NPAT: variants seen among roughly 807,000 people sequenced by gnomAD.
NPAT encodes the protein nuclear protein, coactivator of histone transcription, also known as protein NPAT.
In NPAT, 52 loss-of-function variants were observed where a neutral mutation model predicts 130.7. The observed-to-expected ratio is 0.40, with a 90% CI of 0.32 to 0.50. NPAT has a LOEUF of 0.50. Ranked by LOEUF, NPAT falls within the 20% of genes least tolerant of loss-of-function variation. The pLI is 0.68. For synonymous variants in NPAT, 580 were observed against 584.8 expected, an observed-to-expected ratio of 0.99 and a Z score of 0.12; for missense variants, 1,687 against 1,662.6, an observed-to-expected ratio of 1.01 and a Z score of -0.26.
intron 1 of NPAT, among the ~76,000 whole-genome samples, chr11:108,219,647 AT>A (rs2078465442): frequency 6.6e-6 from 1 of 152,224 alleles, no homozygotes; most frequent in Non-Finnish European, 1.5e-5. Flanking sequence ...AATTGGGAAG[AT>A]GAAAAAGTTC....
intron 7 of NPAT, among the ~76,000 whole-genome samples, chr11:108,187,354 A>G (rs2078117287): frequency 6.6e-6 from 1 of 152,148 alleles, no homozygotes; most frequent in South Asian, 2.1e-4. Flanking sequence ...GGGGAGGCTA[A>G]GGTGGGAGGA....
At chr11:108,216,253 T>C (rs181548565) in intron 1 of NPAT, among the ~76,000 whole-genome samples, 3 of 152,184 alleles carry the variant, frequency 2.0e-5, no homozygotes, top group African/African-American at 7.2e-5. Context: ...GGACTTCTGA[T>C]AGACGGTGGT....
At chr11:108,191,867 T>C (rs1218698134) in intron 4 of NPAT, among the ~76,000 whole-genome samples, 2 of 152,230 alleles carry the variant, frequency 1.3e-5, no homozygotes, top group South Asian at 2.1e-4. Context: ...TATATCTGCC[T>C]TTAAATTGCT....
At chr11:108,191,044 G>C (rs1479465621) in intron 4 of NPAT, among the ~76,000 whole-genome samples, 1 of 152,100 alleles carries the variant, frequency 6.6e-6, no homozygotes, top group East Asian at 1.9e-4. Flanking sequence ...TTCCAGCTTG[G>C]GTAACAGAGT....
intron 1 of NPAT, among the ~76,000 whole-genome samples, chr11:108,220,117 T>C (rs2078469719): frequency 6.6e-6 from 1 of 152,212 alleles, no homozygotes; most frequent in African/African-American, 2.4e-5. Flanking sequence ...ACAGAGCACC[T>C]TGAATAAATA....
rs1248310229 is a variant in NPAT, at chr11:108,194,778, G to A, written c.157-761C>T. 2.6e-5 allele frequency among the ~76,000 whole-genome samples: 4 copies of A among 151,932 alleles called. No homozygotes were observed. The East Asian group carries it at 5.8e-4, about 22-fold the overall frequency. On this transcript the variant is annotated intron_variant, in intron 2 of 17. Coordinates refer to ENST00000278612, the MANE Select transcript of NPAT (RefSeq NM_002519.3). Reference sequence around the variant, plus strand: ...CATGTTCCTACCTCAGCCTCCCACAGTGCTGGGATTAAAGGTGTGAGCCAT... The same window carrying A: ...CATGTTCCTACCTCAGCCTCCCACAATGCTGGGATTAAAGGTGTGAGCCAT...
chr11:108,198,729 TCAGACTCAACCACACATGGGGACTA>T (rs2078247368), intron 1 of NPAT, among the ~76,000 whole-genome samples: 1 of 152,148 alleles, frequency 6.6e-6, no homozygotes, highest in African/African-American at 2.4e-5. Flanking sequence ...CATGAAAACC[TCAGACTCAACCACACATGGGGACTA>T]CCTGCCTTTG....
chr11:108,169,074 A>C (rs1056788325), intron 15 of NPAT, among the ~76,000 whole-genome samples: 2 of 152,216 alleles, frequency 1.3e-5, no homozygotes, highest in Non-Finnish European at 2.9e-5. Context: ...CAGAGACTAA[A>C]AGAAGGGAGA....
chr11:108,192,259 G>A, intron 3 of NPAT, 69 bp from the exon 4 acceptor site: 2 of 992,374 alleles, frequency 2.0e-6, no homozygotes, highest in Non-Finnish European at 3.3e-6. Context: ...TCTGAACAAA[G>A]ACACACAAAA....
In NPAT at chr11:108,173,429, C is replaced by T. The variant is rs753660173; in HGVS notation, c.1555G>A (p.Ala519Thr). The part of the protein sequence containing the change: ...ITSFVSLGCE[A>T]NNENLILSGK... Reference sequence around the variant, plus strand: ...GAGAGAATTAAGTTTTCATTGTTAGCTTCACAACCAAGTGAAACAAATGAA... The same window carrying T: ...GAGAGAATTAAGTTTTCATTGTTAGTTTCACAACCAAGTGAAACAAATGAA... Residue 519 changes from alanine (A) to threonine (T), a missense_variant, in exon 13 of 18, where the codon GCT becomes ACT. This residue lies in a region of NPAT where 1,379 missense variants were observed against 1,346.6 expected (regional missense o/e 1.02). Coordinates refer to ENST00000278612, the MANE Select transcript of NPAT (RefSeq NM_002519.3). 2 of 1,614,132 alleles carry T rather than the reference C, an allele frequency of 1.2e-6. No homozygotes were observed. The highest frequency in any genetic ancestry group is 1.7e-6 in the Non-Finnish European group (2 of 1,180,012).
chr11:108,165,454 A>ATG (rs1218354663), intron 15 of NPAT, among the ~76,000 whole-genome samples: 2 of 101,964 alleles, frequency 2.0e-5, no homozygotes, highest in Non-Finnish European at 4.1e-5. Flanking sequence ...ATATGTATTT[A>ATG]TATATATATA....
At position 108,161,235 on chromosome 11, in the gene NPAT, A is replaced by G; in HGVS notation, c.3851T>C (p.Ile1284Thr). Residue 1284 changes from isoleucine to threonine, a missense_variant, in exon 17 of 18, where the codon ATA (isoleucine) becomes ACA (threonine). Ile to Thr is a moderately conservative substitution (Grantham distance 89, BLOSUM62 -1). This residue lies in a region of NPAT where 1,379 missense variants were observed against 1,346.6 expected (regional missense o/e 1.02). Coordinates refer to ENST00000278612, the MANE Select transcript of NPAT (RefSeq NM_002519.3). ...GAGEKHKEEP[I>T]DIIKAPSSRR... ...ACTAGAGGGGGCCTTGATAATATCT[A>G]TAGGTTCTTCTTTATGTTTTTCCCC... 3 of 1,614,118 alleles carry G rather than the reference A, an allele frequency of 1.9e-6. No homozygotes were observed. The highest frequency in any genetic ancestry group is 2.5e-6 in the Non-Finnish European group (3 of 1,180,018).
intron 2 of NPAT, among the ~76,000 whole-genome samples, chr11:108,194,708 T>A (rs2078203592): frequency 6.6e-6 from 1 of 152,244 alleles, no homozygotes; most frequent in Non-Finnish European, 1.5e-5. Flanking sequence ...TGGAGTACAG[T>A]GGCTGCTCAC....
At chr11:108,187,130 G>T (rs537191142) in intron 7 of NPAT, among the ~76,000 whole-genome samples, 1 of 152,066 alleles carries the variant, frequency 6.6e-6, no homozygotes, top group Admixed American at 6.6e-5. Context: ...AAAAAGTCAG[G>T]GTTCCTATAA....
intron 1 of NPAT, among the ~76,000 whole-genome samples, chr11:108,205,063 A>C (rs2078312721): frequency 6.6e-6 from 1 of 152,230 alleles, no homozygotes. Context: ...GACCATAATC[A>C]AACTGAAAAT....
chr11:108,221,026 A>G (rs2078484485), intron 1 of NPAT, among the ~76,000 whole-genome samples: 1 of 152,236 alleles, frequency 6.6e-6, no homozygotes, highest in African/African-American at 2.4e-5. Flanking sequence ...AAGTCAGCAG[A>G]GTAGCTGGTT....
chr11:108,160,996 T>C lies in NPAT; in HGVS notation c.4090A>G (p.Arg1364Gly), dbSNP rs1185631560. 3.1e-6 allele frequency: 5 copies of C among 1,614,214 alleles called. No homozygotes were observed. Among genetic ancestry groups the C allele is most frequent in the East Asian group, 4.5e-5 (2 of 44,890 alleles). ...DNTQQFRASS[R>G]STTKKRKIEE... ...ATTTTCCGCTTTTTTGTGGTGCTCCTTGAAGATGCTCTAAACTGTTGTGTG... is the reference window on the plus strand; with the variant it reads ...ATTTTCCGCTTTTTTGTGGTGCTCCCTGAAGATGCTCTAAACTGTTGTGTG... The change falls in exon 17 of 18, where the codon AGG becomes GGG. Residue 1364 changes from arginine (R) to glycine (G), a missense_variant. Physicochemically the swap from Arg to Gly is moderately radical, Grantham distance 125. Coordinates refer to ENST00000278612, the MANE Select transcript of NPAT (RefSeq NM_002519.3).
chr11:108,211,709 G>A (rs189496436), intron 1 of NPAT, among the ~76,000 whole-genome samples: 10 of 152,236 alleles, frequency 6.6e-5, no homozygotes, highest in South Asian at 4.1e-4. Context: ...CGTAAAAGAC[G>A]AAAGTCACAT....
intron 1 of NPAT, among the ~76,000 whole-genome samples, chr11:108,219,834 A>T (rs1416567946): frequency 6.6e-6 from 1 of 152,262 alleles, no homozygotes. Flanking sequence ...TATCAAAAAA[A>T]AGTAAACACA....
Sources: gnomAD v4.1 joint callset for allele counts (sites outside exome capture counted in the v4.1 genomes callset) on GRCh38, gnomAD v4.1.1 for gene constraint, gnomAD v4.1.1 regional missense constraint, MANE v1.5 for transcripts, NCBI Gene and HGNC (gene_info 2026-07-23, HGNC 2026-07-21) for gene names.